The following WDR45 variants were observed in gnomAD, a reference collection of about 807,000 sequenced individuals.
WDR45 encodes WD repeat domain phosphoinositide-interacting protein 4.
A neutral mutation model predicts 27.3 loss-of-function variants in WDR45; 2 were observed. The observed-to-expected ratio is 0.07, with a 90% CI of 0.03 to 0.23. The LOEUF (loss-of-function observed/expected upper bound fraction) is 0.23, where lower values mean the gene tolerates loss of function less well. WDR45 is among the 10% of genes least tolerant of loss of function. The pLI, the probability that WDR45 is intolerant of heterozygous loss-of-function variation, is 1.00. For missense variants in WDR45, 175 were observed against 311.9 expected, an observed-to-expected ratio of 0.56 and a Z score of 3.31; for synonymous variants, 99 against 119.2, an observed-to-expected ratio of 0.83 and a Z score of 1.11.
At chrX:49,076,618 T>G (rs1557084294) in intron 5 of WDR45, 27 bp downstream of exon 5, 12 of 1,204,120 alleles carry the variant, frequency 1.0e-5, no homozygotes, top group Non-Finnish European at 1.3e-5. Flanking sequence ...ACCTCCTACC[T>G]CCCACCCCGG....
rs782550987 is a variant in WDR45, at chrX:49,097,330, G to GTTTT, written c.-18+2871_-18+2874dup. ...CGCCCACCACTAGCCCCAGCTAATT[G>GTTTT]TTTTTTTTTTTTTTTGAGACAGAGT... On this transcript the variant is annotated intron_variant, in intron 2 of 11. Coordinates refer to the WDR45 transcript ENST00000356463. 1.6e-4 allele frequency among the ~76,000 whole-genome samples: 15 copies of GTTTT among 91,788 alleles called. 1 individual carries two copies. The highest frequency in any genetic ancestry group is 3.5e-4 in the East Asian group (1 of 2,896). 79.7% of individuals were successfully genotyped at this position (91,788 alleles called of 115,157 possible). A position where few individuals can be genotyped will look rare whatever the true frequency, so the allele number is the denominator to read the frequency against.
At chrX:49,077,404 C>T in intron 4 of WDR45, 1 of 444,243 alleles carries the variant, frequency 2.3e-6, no homozygotes, top group Non-Finnish European at 4.0e-6. Context: ...AGGGCAGTTC[C>T]AGGCTCACAG....
upstream of WDR45, among the ~76,000 whole-genome samples, chrX:49,084,548 C>T (rs894103291): frequency 1.8e-5 from 2 of 109,835 alleles, no homozygotes; most frequent in African/African-American, 6.6e-5. Flanking sequence ...CACTCTCAGT[C>T]AAAGTGGAAT....
At chrX:49,078,523 G>T (rs782812017) in intron 1 of WDR45, among the ~76,000 whole-genome samples, 2 of 111,693 alleles carry the variant, frequency 1.8e-5, no homozygotes, top group Non-Finnish European at 3.8e-5. Flanking sequence ...CTCCGTCTCG[G>T]GGGGAAGAAA....
At chrX:49,092,153 A>G (rs1254934715) in intron 2 of WDR45, among the ~76,000 whole-genome samples, 6 of 106,759 alleles carry the variant, frequency 5.6e-5, no homozygotes, top group Non-Finnish European at 1.2e-4. Flanking sequence ...GGCAAAATAT[A>G]ACAAAGTATA....
At chrX:49,090,883 A>T in intron 2 of WDR45, among the ~76,000 whole-genome samples, 1 of 97,393 alleles carries the variant, frequency 1.0e-5, no homozygotes, top group Non-Finnish European at 2.0e-5. Flanking sequence ...ACCCACACTG[A>T]AGTGCGGTGG....
chrX:49,076,478 C>T lies in WDR45; in HGVS notation c.388G>A (p.Asp130Asn), dbSNP rs782211949. ...KNRIYVYSFP[D>N]NPRKLFEFDT... Reference sequence around the variant, plus strand: ...AACTCAAACAGCTTTCGGGGATTGTCGGGGAAGGAGTACACATAGATGCGG... The same window carrying T: ...AACTCAAACAGCTTTCGGGGATTGTTGGGGAAGGAGTACACATAGATGCGG... Residue 130 changes from aspartate to asparagine, a missense_variant, in exon 6 of 11, where the codon GAC (aspartate) becomes AAC (asparagine). This residue lies in a region of WDR45 where 102 missense variants were observed against 165.4 expected (regional missense o/e 0.62). Coordinates refer to ENST00000376372, the MANE Select transcript of WDR45 (RefSeq NM_001029896.2). The T allele has an allele frequency of 5.8e-6, 7 of 1,211,974 alleles. No homozygotes were observed. Among genetic ancestry groups the T allele is most frequent in the Non-Finnish European group, 7.8e-6 (7 of 895,565 alleles).
upstream of WDR45, among the ~76,000 whole-genome samples, chrX:49,084,346 AGCT>A (rs1291146824): frequency 9.4e-6 from 1 of 106,526 alleles, no homozygotes; most frequent in African/African-American, 3.4e-5. Flanking sequence ...CACCATGCCC[AGCT>A]GATTCCCCTC....
upstream of WDR45, among the ~76,000 whole-genome samples, chrX:49,082,745 A>G (rs1475817123): frequency 3.0e-4 from 33 of 108,589 alleles, no homozygotes; most frequent in Middle Eastern, 4.7e-3. Flanking sequence ...ATGGAGTCTC[A>G]CTCTGTCACC....
intron 2 of WDR45, among the ~76,000 whole-genome samples, chrX:49,086,423 G>A (rs1557085911): frequency 9.0e-6 from 1 of 111,170 alleles, no homozygotes; most frequent in Non-Finnish European, 1.9e-5. Context: ...AAAGTGCTGG[G>A]ATTACAGGCA....
Position 49,089,701 on chromosome X carries a change from C to T in WDR45, c.-18+10504G>A, listed in dbSNP as rs782525572. On this transcript the variant is annotated intron_variant, in intron 2 of 11. Coordinates refer to the WDR45 transcript ENST00000356463. ...ACTCAGGAGGCTATGGCAGGAAGAT[C>T]GCTTGAGCCTAGGAGGTGGAGGTTG... 6.6e-5 allele frequency among the ~76,000 whole-genome samples: 7 copies of T among 105,338 alleles called. No individual in the cohort carries two copies. The South Asian group carries it at 2.7e-3, about 40-fold the overall frequency. The allele number at this position is 105,338 out of a possible 115,157, so 91.5% of individuals were successfully genotyped here. A position where few individuals can be genotyped will look rare whatever the true frequency, so the allele number is the denominator to read the frequency against.
intron 2 of WDR45, among the ~76,000 whole-genome samples, chrX:49,087,620 A>G (rs1382378061): frequency 8.9e-6 from 1 of 112,630 alleles, no homozygotes; most frequent in Non-Finnish European, 1.9e-5. Context: ...TTGCTAAGAT[A>G]TAGGGCTCAG....
At chrX:49,084,618 C>A (rs1557085692), upstream of WDR45, among the ~76,000 whole-genome samples, 1 of 96,468 alleles carries the variant, frequency 1.0e-5, no homozygotes, top group East Asian at 3.4e-4. Flanking sequence ...CACAAAAAAA[C>A]CAAAATACAT....
At chrX:49,091,840 G>A (rs1469189794) in intron 2 of WDR45, among the ~76,000 whole-genome samples, 1 of 93,775 alleles carries the variant, frequency 1.1e-5, no homozygotes, top group African/African-American at 4.0e-5. Context: ...CTCTTAAAAA[G>A]GCAAAATATG....
At chrX:49,091,300 G>A (rs2065104310) in intron 2 of WDR45, among the ~76,000 whole-genome samples, 1 of 110,109 alleles carries the variant, frequency 9.1e-6, no homozygotes, top group African/African-American at 3.3e-5. Context: ...AATTAGCTGG[G>A]CGTGATGGTG....
At chrX:49,086,706 G>A (rs1370370398) in intron 2 of WDR45, among the ~76,000 whole-genome samples, 2 of 110,843 alleles carry the variant, frequency 1.8e-5, no homozygotes, top group East Asian at 2.8e-4. Flanking sequence ...TGATTCTTCC[G>A]CTTCAGCCTC....
At chrX:49,092,705 TGAAA>T (rs1174226618) in intron 2 of WDR45, among the ~76,000 whole-genome samples, 2 of 111,756 alleles carry the variant, frequency 1.8e-5, no homozygotes, top group Non-Finnish European at 3.8e-5. Context: ...AAGATGTCAT[TGAAA>T]GAAAAGTAGT....
At chrX:49,077,469 A>G (rs782137392) in intron 4 of WDR45, 174 bp downstream of exon 4, 2 of 496,399 alleles carry the variant, frequency 4.0e-6, no homozygotes, top group South Asian at 3.0e-5. Context: ...TTTTAAAATG[A>G]AAACAAAGCA....
chrX:49,086,599 T>A (rs1457887508), intron 2 of WDR45, among the ~76,000 whole-genome samples: 5 of 109,082 alleles, frequency 4.6e-5, no homozygotes, highest in Non-Finnish European at 7.7e-5. Flanking sequence ...TCTTTTCTCT[T>A]TTTTTTTTCC....
Sources: allele counts gnomAD v4.1 joint callset (sites outside exome capture counted in the v4.1 genomes callset), GRCh38; gene constraint gnomAD v4.1.1; regional missense constraint gnomAD v4.1.1; transcripts MANE v1.5; gene names NCBI Gene and HGNC (gene_info 2026-07-23, HGNC 2026-07-21).